Variants in PSD3 observed in about 807,000 individuals in gnomAD.
PSD3 encodes pleckstrin and Sec7 domain containing 3.
In PSD3, 49 loss-of-function variants were observed where a neutral mutation model predicts 105.5. That is an observed-to-expected ratio of 0.46 (90% CI 0.37 to 0.59). The LOEUF (loss-of-function observed/expected upper bound fraction) is 0.59. Among genes scored for constraint, PSD3 ranks in the 20% least tolerant of loss-of-function variants. The probability of loss-of-function intolerance (pLI) is 0.00; values close to 1 mark genes in which losing one functional copy is unlikely to be tolerated. For missense variants in PSD3, 1,561 were observed against 1,263.8 expected (o/e 1.24, Z -3.57); for synonymous variants, 557 against 457.8 (o/e 1.22, Z -2.77).
At chr8:18,979,878 T>TTC (rs1178594723) in intron 1 of PSD3, 1 of 152,250 alleles carries the variant, frequency 6.6e-6, no homozygotes, top group Non-Finnish European at 1.5e-5. Context: ...TTTTTATTTC[T>TTC]TCTCTGCTGT....
At chr8:18,712,510 G>C (rs1204180511) in intron 9 of PSD3, among the ~76,000 whole-genome samples, 1 of 152,090 alleles carries the variant, frequency 6.6e-6, no homozygotes, top group Non-Finnish European at 1.5e-5. Flanking sequence ...AAATAAACTA[G>C]AAAATCTAGA....
chr8:18,775,827 G>C (rs1808008673), intron 8 of PSD3, among the ~76,000 whole-genome samples: 1 of 152,082 alleles, frequency 6.6e-6, no homozygotes, highest in Non-Finnish European at 1.5e-5. Flanking sequence ...AAGGGTTTTA[G>C]CTTGATGGGA....
chr8:18,576,628 A>G (rs1490899964), intron 12 of PSD3, among the ~76,000 whole-genome samples: 1 of 152,292 alleles, frequency 6.6e-6, no homozygotes. Flanking sequence ...AGGAATTTCA[A>G]CTAGAGGTAG....
intron 9 of PSD3, among the ~76,000 whole-genome samples, chr8:18,698,654 T>C (rs1457809929): frequency 1.3e-5 from 2 of 152,172 alleles, no homozygotes; most frequent in Non-Finnish European, 2.9e-5. Flanking sequence ...AGCTAATATA[T>C]TGTGTTAAGA....
chr8:18,559,437 T>C (rs988673348), intron 14 of PSD3, among the ~76,000 whole-genome samples: 1 of 152,176 alleles, frequency 6.6e-6, no homozygotes, highest in East Asian at 1.9e-4. Flanking sequence ...CATTTTTCTA[T>C]TGGGTTGTTT....
chr8:18,664,985 T>C (rs931962001), intron 9 of PSD3, among the ~76,000 whole-genome samples: 50 of 152,224 alleles, frequency 3.3e-4, no homozygotes, highest in Non-Finnish European at 4.7e-4. Context: ...TTTCAAAATG[T>C]TACTGGTCAT....
chr8:18,897,831 C>A (rs1819250619), intron 2 of PSD3, among the ~76,000 whole-genome samples: 1 of 152,104 alleles, frequency 6.6e-6, no homozygotes, highest in Admixed American at 6.5e-5. Flanking sequence ...AGAAACACCA[C>A]TGATTTTTCT....
intron 12 of PSD3, among the ~76,000 whole-genome samples, chr8:18,578,266 C>A (rs559356525): frequency 6.6e-6 from 1 of 152,210 alleles, no homozygotes; most frequent in East Asian, 1.9e-4. Flanking sequence ...CCCTTATTCT[C>A]CCTTATGTAA....
chr8:18,970,925 G>A (rs991528279), intron 1 of PSD3, among the ~76,000 whole-genome samples: 4 of 147,942 alleles, frequency 2.7e-5, no homozygotes, highest in South Asian at 2.2e-4. Flanking sequence ...GTTACAGTGA[G>A]CCGAGATCAC....
chr8:18,704,325 C>T (rs1426465945), intron 9 of PSD3, among the ~76,000 whole-genome samples: 4 of 152,114 alleles, frequency 2.6e-5, no homozygotes, highest in African/African-American at 7.2e-5. Flanking sequence ...CCTTAAACTC[C>T]GTGTATAAAG....
chr8:18,682,469 C>G (rs550085252), intron 9 of PSD3, among the ~76,000 whole-genome samples: 1 of 152,176 alleles, frequency 6.6e-6, no homozygotes, highest in Non-Finnish European at 1.5e-5. Context: ...ATAACACTTT[C>G]AGTAGAAGCC....
At chr8:18,835,365 A>T (rs1314962342) in intron 4 of PSD3, among the ~76,000 whole-genome samples, 1 of 152,164 alleles carries the variant, frequency 6.6e-6, no homozygotes. Flanking sequence ...CTTATACCTC[A>T]TGTATTGATT....
At chr8:18,609,882 T>A (rs1805122661) in intron 11 of PSD3, among the ~76,000 whole-genome samples, 1 of 152,250 alleles carries the variant, frequency 6.6e-6, no homozygotes, top group Non-Finnish European at 1.5e-5. Flanking sequence ...ACTTTTAGAT[T>A]ACTGCTTGAA....
At chr8:18,828,437 TAC>T (rs1813405902) in intron 4 of PSD3, among the ~76,000 whole-genome samples, 1 of 152,140 alleles carries the variant, frequency 6.6e-6, no homozygotes, top group Non-Finnish European at 1.5e-5. Flanking sequence ...CAAGCTTCGA[TAC>T]AAGAAAGCCA....
At position 18,581,250 on chromosome 8, in the gene PSD3, T is replaced by C. The variant is rs117889480; in HGVS notation, c.2482-5965A>G. Among the ~76,000 whole-genome samples the C allele has an allele frequency of 7.7e-3, 1,173 of 152,318 alleles. 8 individuals carry two copies. Among genetic ancestry groups the C allele is most frequent in the Non-Finnish European group, 0.011 (754 of 68,028 alleles). ...TTCAATTCATAGCACTTTCTAATTT[T>C]TAAAGCACATATGAACTATTAGTAT... On this transcript the variant is annotated intron_variant, in intron 12 of 15. Coordinates refer to ENST00000327040, the MANE Select transcript of PSD3 (RefSeq NM_015310.4).
At chr8:18,744,384 T>A (rs1258311180) in intron 9 of PSD3, among the ~76,000 whole-genome samples, 1 of 152,196 alleles carries the variant, frequency 6.6e-6, no homozygotes, top group Non-Finnish European at 1.5e-5. Flanking sequence ...TCTTAACCCC[T>A]TCTCTTCACT....
At chr8:18,909,668 G>A (rs952126416) in intron 2 of PSD3, among the ~76,000 whole-genome samples, 4 of 151,970 alleles carry the variant, frequency 2.6e-5, no homozygotes, top group African/African-American at 9.7e-5. Flanking sequence ...ATTTTTAGTA[G>A]AGATGGAGTT....
Position 18,892,346 on chromosome 8 carries a change from C to T in PSD3, c.131-19613G>A, listed in dbSNP as rs1052351893. ...TCATGCCATTCTCCTGCCTCAGCCTCCCGAGTAGCTGGGACTACAGGCGCC... is the reference window on the plus strand; with the variant it reads ...TCATGCCATTCTCCTGCCTCAGCCTTCCGAGTAGCTGGGACTACAGGCGCC... On this transcript the variant is annotated intron_variant, in intron 2 of 15. Coordinates refer to ENST00000327040, the MANE Select transcript of PSD3 (RefSeq NM_015310.4). Among the ~76,000 whole-genome samples the T allele has an allele frequency of 3.3e-5, 5 of 151,776 alleles. No homozygotes were observed. The South Asian group carries it at 1.0e-3, about 32-fold the overall frequency.
intron 4 of PSD3, among the ~76,000 whole-genome samples, chr8:18,866,608 C>T (rs1816952103): frequency 6.6e-6 from 1 of 152,100 alleles, no homozygotes; most frequent in Non-Finnish European, 1.5e-5. Flanking sequence ...CAACCAATAT[C>T]CACAATCCAT....
Sources: allele counts gnomAD v4.1 joint callset (sites outside exome capture counted in the v4.1 genomes callset), GRCh38; gene constraint gnomAD v4.1.1; transcripts MANE v1.5; gene names NCBI Gene and HGNC (gene_info 2026-07-23, HGNC 2026-07-21).